Variants in MME observed in about 807,000 individuals in gnomAD.
The protein encoded by MME is membrane metalloendopeptidase, also known as neprilysin.
Under a neutral mutation model 113.2 loss-of-function variants are expected in MME, and 98 were observed. That is an observed-to-expected ratio of 0.87 (90% CI 0.74 to 1.02). The LOEUF is 1.02. Among genes scored for constraint, MME ranks in the 50% least tolerant of loss-of-function variants. The pLI is 0.00. For missense variants in MME, 836 were observed against 896.0 expected (o/e 0.93, Z 0.86); for synonymous variants, 292 against 300.6 (o/e 0.97, Z 0.30).
rs371645505 is a variant in MME at position 155,096,744 on chromosome 3, G to T, written c.196+11650G>T. 5.3e-5 allele frequency among the ~76,000 whole-genome samples: 8 copies of T among 152,182 alleles called. No individual in the cohort carries two copies. In the East Asian group the frequency reaches 1.5e-3, roughly 29 times the overall value. On this transcript the variant is annotated intron_variant, in intron 3 of 22. Transcript: ENST00000360490. ...GTTTGTTTGTTTGTTTTGAGACAGG[G>T]TCTCACTCTGTCACCCAGGCTGGAG...
At chr3:155,168,680 T>C in intron 19 of MME, 52 bp from the exon 20 acceptor site, 1 of 1,612,344 alleles carries the variant, frequency 6.2e-7, no homozygotes, top group Non-Finnish European at 8.5e-7. Context: ...CTTAAGTGTA[T>C]TATTGGTGGT....
intron 1 of MME, among the ~76,000 whole-genome samples, chr3:155,039,552 G>A (rs2108119180): frequency 6.6e-6 from 1 of 152,084 alleles, no homozygotes; most frequent in Middle Eastern, 3.4e-3. Flanking sequence ...GAATAGTAAG[G>A]CAGATCTTTG....
At chr3:155,073,110 G>A (rs916560832) in intron 1 of MME, among the ~76,000 whole-genome samples, 2 of 152,102 alleles carry the variant, frequency 1.3e-5, no homozygotes, top group East Asian at 1.9e-4. Context: ...GAATAGCTTG[G>A]TCAATGAAAA....
At chr3:155,132,583 G>A (rs1434296492) in intron 8 of MME, among the ~76,000 whole-genome samples, 2 of 151,804 alleles carry the variant, frequency 1.3e-5, no homozygotes, top group South Asian at 2.1e-4. Context: ...TCTTCTTCAC[G>A]TAAACAATCA....
chr3:155,158,070 G>A (rs1287243461), intron 16 of MME, among the ~76,000 whole-genome samples: 3 of 151,968 alleles, frequency 2.0e-5, no homozygotes, highest in Admixed American at 6.6e-5. Flanking sequence ...AACTTCATTC[G>A]TGTCCTACTT....
intron 13 of MME, among the ~76,000 whole-genome samples, chr3:155,143,866 C>A (rs1177033520): frequency 6.6e-6 from 1 of 152,106 alleles, no homozygotes; most frequent in Non-Finnish European, 1.5e-5. Context: ...TTTATAAACT[C>A]TTCTATTATC....
chr3:155,137,994 T>C (rs1160809082), intron 8 of MME, 108 bp from the exon 9 acceptor site: 12 of 1,226,900 alleles, frequency 9.8e-6, no homozygotes, highest in Middle Eastern at 2.0e-4. Flanking sequence ...TTTATTTTAC[T>C]AAGGTTATCT....
chr3:155,038,959 C>T (rs1334195699), intron 1 of MME, among the ~76,000 whole-genome samples: 1 of 152,136 alleles, frequency 6.6e-6, no homozygotes, highest in Admixed American at 6.5e-5. Flanking sequence ...CATTATTCTC[C>T]TCCATTTGAG....
chr3:155,139,392 G>A (rs1044449788), intron 9 of MME, among the ~76,000 whole-genome samples: 1 of 152,102 alleles, frequency 6.6e-6, no homozygotes, highest in Non-Finnish European at 1.5e-5. Context: ...GCATAGTATT[G>A]CACAAAGGAC....
At chr3:155,125,596 G>T (rs1292274934) in intron 8 of MME, among the ~76,000 whole-genome samples, 3 of 151,494 alleles carry the variant, frequency 2.0e-5, no homozygotes, top group Admixed American at 6.6e-5. Flanking sequence ...GAGTACCTGG[G>T]ATTACAGGTG....
At chr3:155,059,691 A>G (rs768398225) in intron 1 of MME, among the ~76,000 whole-genome samples, 96 of 152,320 alleles carry the variant, frequency 6.3e-4, no homozygotes, top group Middle Eastern at 3.4e-3. Context: ...TCAAAAGTAT[A>G]TTAAATGAAA....
rs1044344992 is a variant in MME at position 155,115,023 on chromosome 3, A to G, written c.226A>G (p.Thr76Ala). 6.8e-6 allele frequency: 11 copies of G among 1,614,110 alleles called. No individual in the cohort carries two copies. Among genetic ancestry groups the G allele is most frequent in the Middle Eastern group, 1.6e-4 (1 of 6,062 alleles). Residue 76 changes from threonine (T) to alanine (A), a missense_variant, in exon 4 of 23, where the codon ACC becomes GCC. Transcript: ENST00000360490. ...AARLIQNMDA[T>A]TEPCTDFFKY... is the part of the protein sequence containing the mutation. ...TCGACTGATCCAAAACATGGATGCC[A>G]CCACTGAGCCTTGTACAGACTTTTT...
chr3:155,085,942 G>A (rs1715680121), intron 3 of MME, among the ~76,000 whole-genome samples: 1 of 152,206 alleles, frequency 6.6e-6, no homozygotes, highest in South Asian at 2.1e-4. Flanking sequence ...TAGTAAAAGT[G>A]TACGCTTGAT....
intron 1 of MME, among the ~76,000 whole-genome samples, chr3:155,046,470 CT>C (rs1439628009): frequency 6.6e-6 from 1 of 152,034 alleles, no homozygotes; most frequent in African/African-American, 2.4e-5. Flanking sequence ...GGTGGATTGC[CT>C]GATGTCAGGA....
intron 1 of MME, among the ~76,000 whole-genome samples, chr3:155,035,318 T>A (rs1713095037): frequency 6.7e-6 from 1 of 148,378 alleles, no homozygotes; most frequent in Non-Finnish European, 1.5e-5. Context: ...AAATATAAAA[T>A]GTAAATTATA....
chr3:155,099,354 A>G (rs201944070), intron 3 of MME, among the ~76,000 whole-genome samples: 1 of 152,282 alleles, frequency 6.6e-6, no homozygotes, highest in East Asian at 1.9e-4. Context: ...TCTTAAAACA[A>G]TATGTTCTGT....
intron 1 of MME, among the ~76,000 whole-genome samples, chr3:155,032,066 A>AT (rs1483660664): frequency 6.6e-6 from 1 of 152,176 alleles, no homozygotes; most frequent in African/African-American, 2.4e-5. Context: ...AAGTAAAACC[A>AT]TTTTTCTAGA....
chr3:155,172,083 A>T (rs1162433720), intron 20 of MME, 34 bp from the exon 21 acceptor site: 1 of 1,212,448 alleles, frequency 8.2e-7, no homozygotes, highest in Non-Finnish European at 1.2e-6. Flanking sequence ...TTAGGAATTA[A>T]TATTATTGTT....
At position 155,066,996 on chromosome 3, in the gene MME, A is replaced by G. The variant is rs181383849; in HGVS notation, c.-10-17162A>G. 7.3e-3 allele frequency among the ~76,000 whole-genome samples: 1,112 copies of G among 152,258 alleles called. 15 individuals carry two copies. The highest frequency in any genetic ancestry group is 0.012 in the Non-Finnish European group (812 of 68,004). On this transcript the variant is annotated intron_variant, in intron 1 of 22. Transcript: ENST00000492661. ...ACCTCCTAACATTAGAACGCATAGC[A>G]TGTTTTAGAACTCACCGATTTAGAG...
Sources: allele counts gnomAD v4.1 joint callset (sites outside exome capture counted in the v4.1 genomes callset), GRCh38; gene constraint gnomAD v4.1.1; transcripts MANE v1.5; gene names NCBI Gene and HGNC (gene_info 2026-07-23, HGNC 2026-07-21).